Variants in SHB observed in about 807,000 individuals in gnomAD.
The protein encoded by SHB is SH2 domain-containing adapter protein B.
Under a neutral mutation model 52.3 loss-of-function variants are expected in SHB, and 20 were observed. The observed-to-expected ratio is 0.38, with a 90% CI of 0.27 to 0.56. The LOEUF (loss-of-function observed/expected upper bound fraction) is 0.56, where lower values mean the gene tolerates loss of function less well. Ranked by LOEUF, SHB falls within the 20% of genes least tolerant of loss-of-function variation. SHB has a pLI of 0.71. For missense variants in SHB, 825 were observed against 723.3 expected (o/e 1.14, Z -1.61); for synonymous variants, 397 against 316.5 (o/e 1.25, Z -2.70).
intron 1 of SHB, among the ~76,000 whole-genome samples, chr9:38,025,547 G>T (rs1277234054): frequency 6.6e-6 from 1 of 152,248 alleles, no homozygotes; most frequent in African/African-American, 2.4e-5. Flanking sequence ...GGAGCTGAAG[G>T]CTGGAAGGGT....
At position 37,974,724 on chromosome 9, in the gene SHB, G is replaced by C. The variant is rs746039668; in HGVS notation, c.952C>G (p.Pro318Ala). ...VDSDSESTVS[P>A]RLRESKLPQD... ...GGCAGCTTGCTCTCCCGCAGTCGGG[G>C]GCTGACTGTGCTCTCCGAGTCTGAG... is the stretch of plus-strand genomic sequence containing the variant. The change falls in exon 3 of 6, where the codon CCC becomes GCC. Residue 318 changes from proline (P) to alanine (A), a missense_variant. Pro to Ala is a conservative substitution (Grantham distance 27). Transcript: ENST00000377707. 6.2e-7 allele frequency: 1 copy of C among 1,614,070 alleles called. No homozygotes were observed. Among genetic ancestry groups the C allele is most frequent in the Non-Finnish European group, 8.5e-7 (1 of 1,179,968 alleles).
intron 2 of SHB, among the ~76,000 whole-genome samples, chr9:38,010,051 A>G (rs1321325229): frequency 6.6e-6 from 1 of 152,200 alleles, no homozygotes; most frequent in Non-Finnish European, 1.5e-5. Context: ...TAAATTTTCC[A>G]ATTATTCCTC....
chr9:38,051,423 C>G (rs896569835), intron 1 of SHB, among the ~76,000 whole-genome samples: 1 of 130,918 alleles, frequency 7.6e-6, no homozygotes, highest in Admixed American at 9.0e-5. Flanking sequence ...AACCTGGTGA[C>G]AGAGTGAGAC....
intron 1 of SHB, among the ~76,000 whole-genome samples, chr9:38,030,323 A>C (rs1821398004): frequency 1.3e-5 from 2 of 152,314 alleles, no homozygotes; most frequent in South Asian, 4.1e-4. Context: ...CGACACAGCA[A>C]AATGAGCCCA....
intron 1 of SHB, among the ~76,000 whole-genome samples, chr9:38,054,528 T>C (rs1267001671): frequency 6.6e-6 from 1 of 152,066 alleles, no homozygotes; most frequent in Non-Finnish European, 1.5e-5. Context: ...CACAGGAAGC[T>C]CCTAGACTTG....
At chr9:38,067,843 ACT>A (rs1587273692) in intron 1 of SHB, 84 bp downstream of exon 1, 71 of 1,331,266 alleles carry the variant, frequency 5.3e-5, no homozygotes, top group Non-Finnish European at 6.7e-5. Context: ...TGAAGTAGAG[ACT>A]CAACACCAGA....
At chr9:37,946,591 G>A (rs1233024716) in intron 5 of SHB, among the ~76,000 whole-genome samples, 1 of 152,208 alleles carries the variant, frequency 6.6e-6, no homozygotes, top group African/African-American at 2.4e-5. Context: ...CAGCCCGGCA[G>A]GACCTTAGTT....
At chr9:38,057,854 G>A (rs1205857500) in intron 1 of SHB, among the ~76,000 whole-genome samples, 1 of 152,202 alleles carries the variant, frequency 6.6e-6, no homozygotes, top group Non-Finnish European at 1.5e-5. Flanking sequence ...CTTCCTATCA[G>A]AAGCAGCCAG....
chr9:37,990,513 G>C (rs1232085912), intron 2 of SHB, among the ~76,000 whole-genome samples: 1 of 152,060 alleles, frequency 6.6e-6, no homozygotes, highest in East Asian at 1.9e-4. Context: ...TGCAAATTCA[G>C]AATTTAGCAC....
chr9:37,940,564 A>G (rs1832423844), intron 5 of SHB, among the ~76,000 whole-genome samples: 1 of 152,186 alleles, frequency 6.6e-6, no homozygotes, highest in Non-Finnish European at 1.5e-5. Flanking sequence ...CCTCCATGCG[A>G]TAAGAGCAAA....
intron 5 of SHB, among the ~76,000 whole-genome samples, chr9:37,934,583 G>A (rs1832347617): frequency 2.6e-5 from 4 of 152,124 alleles, no homozygotes. Context: ...TTACAGGCGT[G>A]AGCCACTGTG....
intron 2 of SHB, among the ~76,000 whole-genome samples, chr9:37,989,808 G>A (rs1820859323): frequency 6.6e-6 from 1 of 152,184 alleles, no homozygotes; most frequent in African/African-American, 2.4e-5. Flanking sequence ...GTTTTAAAGA[G>A]GAGTGGGGAA....
chr9:37,932,484 C>T (rs1327591440), intron 5 of SHB, among the ~76,000 whole-genome samples: 2 of 143,252 alleles, frequency 1.4e-5, no homozygotes, highest in African/African-American at 5.2e-5. Context: ...ATGCACAACA[C>T]GAGGACCACA....
At chr9:38,040,564 T>C (rs1487508370) in intron 1 of SHB, among the ~76,000 whole-genome samples, 1 of 151,418 alleles carries the variant, frequency 6.6e-6, no homozygotes, top group Admixed American at 6.6e-5. Context: ...AGCAAGCGAG[T>C]GGGCGGGCAG....
intron 1 of SHB, among the ~76,000 whole-genome samples, chr9:38,046,875 AC>A (rs1821658961): frequency 1.3e-5 from 2 of 152,296 alleles, no homozygotes; most frequent in African/African-American, 2.4e-5. Context: ...TTCCACAGGA[AC>A]CTGCGGTCTG....
At position 38,005,008 on chromosome 9, in the gene SHB, A is replaced by G. The variant is rs549815986; in HGVS notation, c.838+11003T>C. Among the ~76,000 whole-genome samples, 6 of 152,330 alleles carry G rather than the reference A, an allele frequency of 3.9e-5. No individual in the cohort carries two copies. The South Asian group carries it at 1.0e-3, about 26-fold the overall frequency. On this transcript the variant is annotated intron_variant, in intron 2 of 5. Coordinates refer to ENST00000377707, the MANE Select transcript of SHB (RefSeq NM_003028.3). ...TGGATGAGGGGACATTCTTCACCAG[A>G]AAGTTCCAGGCCAAAACCTCAAACA...
chr9:38,028,578 C>T lies in SHB; in HGVS notation c.718-12447G>A, dbSNP rs115141981. Among the ~76,000 whole-genome samples the T allele has an allele frequency of 7.6e-3, 1,165 of 152,302 alleles. 17 individuals are homozygous for T. Among genetic ancestry groups the T allele is most frequent in the African/African-American group, 0.027 (1,134 of 41,542 alleles). On this transcript the variant is annotated intron_variant, in intron 1 of 5. Coordinates refer to ENST00000377707, the MANE Select transcript of SHB (RefSeq NM_003028.3). ...TATGGCTCAGGCCACACCAGAATTG[C>T]GAAGAGGAACTCCAGCCAGAAGGCC... is the stretch of plus-strand genomic sequence containing the variant.
chr9:38,023,316 G>C (rs552823584), intron 1 of SHB, among the ~76,000 whole-genome samples: 21 of 152,322 alleles, frequency 1.4e-4, no homozygotes, highest in African/African-American at 3.8e-4. Context: ...CTGTGAAGTG[G>C]AGCAGGGTGG....
In SHB at chr9:37,916,224, T is replaced by C. The variant is rs1284371847; in HGVS notation, c.*3597A>G. Reference sequence around the variant, plus strand: ...TTTGGTCTTCGCTGATCACCAATTCTGGAAGGGTGGAGAGACAGTTGGCTG... The same window carrying C: ...TTTGGTCTTCGCTGATCACCAATTCCGGAAGGGTGGAGAGACAGTTGGCTG... On this transcript the variant is annotated 3_prime_UTR_variant, in exon 6 of 6. Coordinates refer to ENST00000377707, the MANE Select transcript of SHB (RefSeq NM_003028.3). 6.6e-6 allele frequency among the ~76,000 whole-genome samples: 1 copy of C among 152,238 alleles called. No individual in the cohort carries two copies. The highest frequency in any genetic ancestry group is 1.5e-5 in the Non-Finnish European group (1 of 68,038).
Sources: allele counts gnomAD v4.1 joint callset (sites outside exome capture counted in the v4.1 genomes callset), GRCh38; gene constraint gnomAD v4.1.1; transcripts MANE v1.5; gene names NCBI Gene and HGNC (gene_info 2026-07-23, HGNC 2026-07-21).